Variants in LRRC8C observed in about 807,000 individuals in gnomAD.
The protein encoded by LRRC8C is leucine rich repeat containing 8 VRAC subunit C, also known as volume-regulated anion channel subunit LRRC8C.
LRRC8C carries 20 observed loss-of-function variants against 55.3 expected under a neutral mutation model. The ratio of observed to expected loss-of-function variants is 0.36; its 90% CI spans 0.25 to 0.53. The LOEUF is 0.53. Ranked by LOEUF, LRRC8C falls within the 20% of genes least tolerant of loss-of-function variation. LRRC8C has a pLI of 0.92. For synonymous variants in LRRC8C, 376 were observed against 360.7 expected (o/e 1.04, Z -0.48); for missense variants, 659 against 951.4 (o/e 0.69, Z 4.04).
In LRRC8C at chr1:89,715,825, A is replaced by G. The variant is rs1658803935; in HGVS notation, c.*843A>G. The G allele has an allele frequency of 6.6e-6, 1 of 152,312 alleles. No individual in the cohort carries two copies. Among genetic ancestry groups the G allele is most frequent in the African/African-American group, 2.4e-5 (1 of 41,586 alleles). 9.4% of individuals were successfully genotyped at this position (152,312 alleles called of 1,614,324 possible). On this transcript the variant is annotated 3_prime_UTR_variant, in exon 3 of 3. Coordinates refer to ENST00000370454, the MANE Select transcript of LRRC8C (RefSeq NM_032270.5). ...AGCCTGGTTTTTGAGTAATTTAATC[A>G]TCTTTCATATCTTGATATGCAGCTG...
chr1:89,658,968 C>CT (rs1282046624), intron 1 of LRRC8C, among the ~76,000 whole-genome samples: 1 of 150,588 alleles, frequency 6.6e-6, no homozygotes, highest in African/African-American at 2.4e-5. Context: ...ATATTACACT[C>CT]TAAGTATGAT....
intron 1 of LRRC8C, among the ~76,000 whole-genome samples, chr1:89,682,589 G>T (rs1285585847): frequency 6.6e-6 from 1 of 152,116 alleles, no homozygotes; most frequent in East Asian, 1.9e-4. Flanking sequence ...TTCACTGATG[G>T]TGCAAAAACC....
intron 1 of LRRC8C, among the ~76,000 whole-genome samples, chr1:89,636,890 G>A (rs1656302602): frequency 7.2e-5 from 11 of 152,116 alleles, no homozygotes; most frequent in East Asian, 1.9e-4. Context: ...ACTCTTTGAC[G>A]TCAGGGATTT....
At chr1:89,697,194 GA>G (rs1205169495) in intron 2 of LRRC8C, among the ~76,000 whole-genome samples, 3 of 152,092 alleles carry the variant, frequency 2.0e-5, no homozygotes, top group African/African-American at 7.2e-5. Flanking sequence ...CTCACTTGGG[GA>G]GATATTTTTA....
intron 1 of LRRC8C, among the ~76,000 whole-genome samples, chr1:89,683,781 G>A (rs1657792701): frequency 6.6e-6 from 1 of 152,052 alleles, no homozygotes; most frequent in Non-Finnish European, 1.5e-5. Flanking sequence ...ATATAAAAAG[G>A]ATACTCGTCC....
intron 1 of LRRC8C, among the ~76,000 whole-genome samples, chr1:89,664,409 C>A (rs1053714371): frequency 6.6e-6 from 1 of 152,166 alleles, no homozygotes; most frequent in African/African-American, 2.4e-5. Flanking sequence ...ACCCTTTCCC[C>A]ATTTCTTATT....
chr1:89,696,458 C>A (rs1658174776), intron 2 of LRRC8C, among the ~76,000 whole-genome samples: 1 of 151,602 alleles, frequency 6.6e-6, no homozygotes, highest in Admixed American at 6.6e-5. Flanking sequence ...GAGTAAAGAA[C>A]AGACAGAGGG....
intron 2 of LRRC8C, chr1:89,706,188 T>TA (rs778594710): frequency 2.8e-5 from 12 of 421,190 alleles, no homozygotes; most frequent in Non-Finnish European, 5.2e-5. Context: ...ATATAGTAGA[T>TA]ACTACTGCAG....
upstream of LRRC8C, chr1:89,632,288 T>G (rs1258774808): frequency 6.6e-6 from 1 of 152,146 alleles, no homozygotes; most frequent in East Asian, 1.9e-4. Flanking sequence ...CCCTCCATAC[T>G]CGTTAAACAA....
intron 1 of LRRC8C, among the ~76,000 whole-genome samples, chr1:89,666,515 A>G (rs2101226293): frequency 6.6e-6 from 1 of 152,194 alleles, no homozygotes; most frequent in South Asian, 2.1e-4. Flanking sequence ...TCTAAATAAG[A>G]TAGAATTGTC....
At chr1:89,684,088 A>G (rs560179042) in intron 1 of LRRC8C, among the ~76,000 whole-genome samples, 29 of 152,174 alleles carry the variant, frequency 1.9e-4, no homozygotes, top group Middle Eastern at 3.4e-3. Context: ...AATTATATAT[A>G]TATTACATTT....
intron 2 of LRRC8C, 100 bp downstream of exon 2, chr1:89,686,711 A>T (rs1657893100): frequency 7.6e-6 from 10 of 1,315,586 alleles, no homozygotes; most frequent in Non-Finnish European, 9.5e-6. Flanking sequence ...CCATGTAAGT[A>T]TTAGTCACTG....
At position 89,645,470 on chromosome 1, in the gene LRRC8C, A is replaced by G. The variant is rs78234609; in HGVS notation, c.-5+12148A>G. Among the ~76,000 whole-genome samples, 41 of 152,314 alleles carry G rather than the reference A, an allele frequency of 2.7e-4. No individual in the cohort carries two copies. In the East Asian group the frequency reaches 7.9e-3, roughly 29 times the overall value. On this transcript the variant is annotated intron_variant, in intron 1 of 2. Coordinates refer to ENST00000370454, the MANE Select transcript of LRRC8C (RefSeq NM_032270.5). ...AAAAAAGTGAAGAAAGAATGGCCAT[A>G]CACTTCGCAATTATGGTGAAAACAC...
chr1:89,616,377 C>A, the LRRC8C span, among the ~76,000 whole-genome samples: 1 of 152,194 alleles, frequency 6.6e-6, no homozygotes, highest in Non-Finnish European at 1.5e-5. Flanking sequence ...GTGGGAACAG[C>A]ATTCTGTAAA....
chr1:89,683,673 A>G (rs549978820), intron 1 of LRRC8C, among the ~76,000 whole-genome samples: 1 of 152,240 alleles, frequency 6.6e-6, no homozygotes, highest in East Asian at 1.9e-4. Flanking sequence ...TTTTAATATA[A>G]TGAAGTTTAA....
rs1433230027 is a variant in LRRC8C, at chr1:89,713,188, C to T, written c.618C>T (p.Ser206=). 1.2e-6 allele frequency: 2 copies of T among 1,614,136 alleles called. No homozygotes were observed. Among genetic ancestry groups the T allele is most frequent in the East Asian group, 2.2e-5 (1 of 44,878 alleles). Reference sequence around the variant, plus strand: ...CCATCCAATCTGGTCCAGAAGACAGCCTGGTCAACTCTCAGTCTTTAAAGT... The same window carrying T: ...CCATCCAATCTGGTCCAGAAGACAGTCTGGTCAACTCTCAGTCTTTAAAGT... ...SNTIQSGPED[S]LVNSQSLKSI... Residue 206 remains serine, a synonymous_variant, in exon 3 of 3, where the codon AGC becomes AGT. Transcript: ENST00000370454. The surrounding 1 kb of genome is among the most constrained non-coding windows in gnomAD (Gnocchi z 5.2).
Position 89,683,411 on chromosome 1 carries a change from G to C in LRRC8C, c.-4-3059G>C, listed in dbSNP as rs967095483. Among the ~76,000 whole-genome samples, 6 of 150,704 alleles carry C rather than the reference G, an allele frequency of 4.0e-5. No homozygotes were observed. The East Asian group carries it at 1.2e-3, about 29-fold the overall frequency. ...GTCTCGCTCTCCACCAGGCTGGAGT[G>C]CAGTGGTGCGATCTCGGCTCACTGC... On this transcript the variant is annotated intron_variant, in intron 1 of 2. Transcript: ENST00000370454.
intron 1 of LRRC8C, among the ~76,000 whole-genome samples, chr1:89,640,396 A>C (rs185875949): frequency 6.6e-6 from 1 of 152,370 alleles, no homozygotes; most frequent in Admixed American, 6.5e-5. Flanking sequence ...TATCAAAATC[A>C]ACAAAAATTA....
intron 1 of LRRC8C, among the ~76,000 whole-genome samples, chr1:89,683,501 GT>G (rs1473480111): frequency 6.6e-6 from 1 of 151,916 alleles, no homozygotes; most frequent in Non-Finnish European, 1.5e-5. Flanking sequence ...GGGATTACAA[GT>G]GCATGCCACC....
Sources: allele counts gnomAD v4.1 joint callset (sites outside exome capture counted in the v4.1 genomes callset), GRCh38; gene constraint gnomAD v4.1.1; non-coding constraint Gnocchi (gnomAD v3.1); transcripts MANE v1.5; gene names NCBI Gene and HGNC (gene_info 2026-07-23, HGNC 2026-07-21).